Variants in CSNK2A2IP observed in about 807,000 individuals in gnomAD.
CSNK2A2IP encodes casein kinase 2 subunit alpha' interacting protein.
chr3:88,407,182 C>T, the CSNK2A2IP span, among the ~76,000 whole-genome samples: 1 of 151,478 alleles, frequency 6.6e-6, no homozygotes, highest in African/African-American at 2.4e-5. Flanking sequence ...GATTTGGGGG[C>T]GCCAGAGTGG....
At chr3:88,448,822 T>C in the CSNK2A2IP span, among the ~76,000 whole-genome samples, 1 of 152,212 alleles carries the variant, frequency 6.6e-6, no homozygotes, top group African/African-American at 2.4e-5. Flanking sequence ...ATGTATAAGG[T>C]ATTATTCATG....
At chr3:88,348,189 A>T in the CSNK2A2IP span, among the ~76,000 whole-genome samples, 46 of 151,012 alleles carry the variant, frequency 3.0e-4, no homozygotes, top group African/African-American at 1.0e-3. Flanking sequence ...AGACAGAATG[A>T]TTTTTTTTTT....
chr3:88,445,498 A>G, the CSNK2A2IP span, among the ~76,000 whole-genome samples: 3 of 152,106 alleles, frequency 2.0e-5, no homozygotes, highest in Non-Finnish European at 4.4e-5. Flanking sequence ...TGTTAGAACT[A>G]TTATGTCAAG....
At chr3:88,404,901 CT>C in the CSNK2A2IP span, among the ~76,000 whole-genome samples, 1 of 152,200 alleles carries the variant, frequency 6.6e-6, no homozygotes, top group Admixed American at 6.5e-5. Context: ...TAGCAAGAAC[CT>C]TGCTAAGTCA....
chr3:88,448,658 C>T, the CSNK2A2IP span, among the ~76,000 whole-genome samples: 1 of 152,194 alleles, frequency 6.6e-6, no homozygotes, highest in African/African-American at 2.4e-5. Flanking sequence ...CACTCCCTAA[C>T]TCTTTTCACA....
At chr3:88,466,442 C>G in the CSNK2A2IP span, 1 of 1,231,948 alleles carries the variant, frequency 8.1e-7, no homozygotes, top group Non-Finnish European at 1.0e-6. Flanking sequence ...CTACCATCAC[C>G]CCATCCAAAA....
the CSNK2A2IP span, among the ~76,000 whole-genome samples, chr3:88,442,568 T>C: frequency 1.2e-4 from 18 of 152,234 alleles, no homozygotes; most frequent in Admixed American, 9.8e-4. Context: ...GTATGCATTA[T>C]TGAACATTAT....
At chr3:88,352,528 A>T in the CSNK2A2IP span, among the ~76,000 whole-genome samples, 1 of 152,240 alleles carries the variant, frequency 6.6e-6, no homozygotes, top group East Asian at 1.9e-4. Context: ...AGAAAATCAG[A>T]AGACTAAAAA....
chr3:88,346,097 A>G, the CSNK2A2IP span, among the ~76,000 whole-genome samples: 1 of 152,032 alleles, frequency 6.6e-6, no homozygotes, highest in Non-Finnish European at 1.5e-5. Context: ...ACATTCCCTC[A>G]AGCCAAAGCC....
the CSNK2A2IP span, among the ~76,000 whole-genome samples, chr3:88,370,596 CTT>C: frequency 1.4e-3 from 183 of 127,968 alleles, no homozygotes; most frequent in African/African-American, 4.3e-3. Flanking sequence ...CTCTTTCTTT[CTT>C]TCTCTCTCTC....
chr3:88,345,267 G>A, the CSNK2A2IP span, among the ~76,000 whole-genome samples: 1 of 151,964 alleles, frequency 6.6e-6, no homozygotes, highest in Non-Finnish European at 1.5e-5. Context: ...ATTTGTGTAC[G>A]TGGCTTGCCA....
At chr3:88,381,409 T>C in the CSNK2A2IP span, among the ~76,000 whole-genome samples, 1 of 152,136 alleles carries the variant, frequency 6.6e-6, no homozygotes, top group Non-Finnish European at 1.5e-5. Context: ...TGAAATAAAA[T>C]TTCCTGTAGG....
At chr3:88,396,761 C>G in the CSNK2A2IP span, among the ~76,000 whole-genome samples, 2 of 152,130 alleles carry the variant, frequency 1.3e-5, no homozygotes, top group Admixed American at 6.5e-5. Flanking sequence ...ATAATAGTTA[C>G]ATTTTAAAAA....
At chr3:88,403,698 G>C in the CSNK2A2IP span, among the ~76,000 whole-genome samples, 1 of 152,096 alleles carries the variant, frequency 6.6e-6, no homozygotes, top group Non-Finnish European at 1.5e-5. Flanking sequence ...TAAAGAAGCT[G>C]TTATTTACTT....
the CSNK2A2IP span, among the ~76,000 whole-genome samples, chr3:88,346,096 C>A: frequency 2.0e-5 from 3 of 151,972 alleles, no homozygotes; most frequent in Admixed American, 1.3e-4. Flanking sequence ...AACATTCCCT[C>A]AAGCCAAAGC....
chr3:88,392,540 T>C, the CSNK2A2IP span, among the ~76,000 whole-genome samples: 1 of 152,136 alleles, frequency 6.6e-6, no homozygotes, highest in African/African-American at 2.4e-5. Context: ...CATGAAAATT[T>C]AGTAAAGAGA....
At chr3:88,458,453 C>T in the CSNK2A2IP span, among the ~76,000 whole-genome samples, 33 of 152,024 alleles carry the variant, frequency 2.2e-4, no homozygotes, top group African/African-American at 7.9e-4. Flanking sequence ...GCCCAGCCCT[C>T]TTTGTTTTTA....
the CSNK2A2IP span, among the ~76,000 whole-genome samples, chr3:88,444,049 A>G: frequency 6.6e-6 from 1 of 152,104 alleles, no homozygotes; most frequent in African/African-American, 2.4e-5. Context: ...TATTTTTAAA[A>G]GAAAATATTG....
chr3:88,372,209 A>G, the CSNK2A2IP span, among the ~76,000 whole-genome samples: 1 of 151,680 alleles, frequency 6.6e-6, no homozygotes, highest in Non-Finnish European at 1.5e-5. Flanking sequence ...TTTATAACAC[A>G]CATTGATGTA....
Sources: gnomAD v4.1 joint callset for allele counts (sites outside exome capture counted in the v4.1 genomes callset) on GRCh38, gnomAD v4.1.1 for gene constraint, MANE v1.5 for transcripts, NCBI Gene and HGNC (gene_info 2026-07-23, HGNC 2026-07-21) for gene names.